RIPK2: variants seen among roughly 807,000 people sequenced by gnomAD.
The protein encoded by RIPK2 is receptor interacting serine/threonine kinase 2.
In RIPK2, 38 loss-of-function variants were observed where a neutral mutation model predicts 60.9. That is an observed-to-expected ratio of 0.62 (90% CI 0.48 to 0.82). The LOEUF (loss-of-function observed/expected upper bound fraction) is 0.82. Among genes scored for constraint, RIPK2 ranks in the 40% least tolerant of loss-of-function variants. The pLI, the probability that RIPK2 is intolerant of heterozygous loss-of-function variation, is 0.00. For synonymous variants in RIPK2, 225 were observed against 223.4 expected (o/e 1.01, Z -0.06); for missense variants, 518 against 647.0 (o/e 0.80, Z 2.16).
chr8:89,762,936 T>G lies in RIPK2; in HGVS notation c.281T>G (p.Val94Gly), dbSNP rs1471645581. 1 of 1,544,372 alleles carries G rather than the reference T, an allele frequency of 6.5e-7. No individual in the cohort carries two copies. The highest frequency in any genetic ancestry group is 8.8e-7 in the Non-Finnish European group (1 of 1,138,928). The change falls in exon 2 of 11, where the codon GTT becomes GGT. Residue 94 changes from valine to glycine, a missense_variant. By Grantham distance (109) the Val-to-Gly change is moderately radical (BLOSUM62 -3). Coordinates refer to ENST00000220751, the MANE Select transcript of RIPK2 (RefSeq NM_003821.6). ...AATGAGCCTGAATTTTTGGGAATAG[T>G]TACTGAATACATGCCAAATGGATCA... ...ICNEPEFLGIVTEYMPNGSLN... is the reference protein window; with the variant it reads ...ICNEPEFLGIGTEYMPNGSLN...
At chr8:89,788,128 G>A (rs1809616636) in intron 9 of RIPK2, among the ~76,000 whole-genome samples, 1 of 152,054 alleles carries the variant, frequency 6.6e-6, no homozygotes, top group African/African-American at 2.4e-5. Flanking sequence ...AATCACTTGA[G>A]GCCAGGAGTT....
chr8:89,790,060 A>G lies in RIPK2; in HGVS notation c.1286-19A>G. The G allele has an allele frequency of 6.4e-7, 1 of 1,570,610 alleles. No homozygotes were observed. The highest frequency in any genetic ancestry group is 8.7e-7 in the Non-Finnish European group (1 of 1,152,244). ...TCTGTCCTCACCTTTTAAATTATTC[A>G]TTCCTTGTTCTTTTTCAGAACGTCT... On this transcript the variant is annotated intron_variant, in intron 10 of 10. Coordinates refer to ENST00000220751, the MANE Select transcript of RIPK2 (RefSeq NM_003821.6).
chr8:89,758,224 T>C lies in RIPK2; in HGVS notation c.164T>C (p.Leu55Pro). The C allele has an allele frequency of 6.2e-7, 1 of 1,606,076 alleles. No individual in the cohort carries two copies. The highest frequency in any genetic ancestry group is 8.5e-7 in the Non-Finnish European group (1 of 1,177,198). ...AAGCACCTGCACATCCACACTCCGCTGCTCGACAGGTAGGCAGTCACTGGG... is the reference window on the plus strand; with the variant it reads ...AAGCACCTGCACATCCACACTCCGCCGCTCGACAGGTAGGCAGTCACTGGG... ...AVKHLHIHTP[L>P]LDSERKDVLR... The change falls in exon 1 of 11, where the codon CTG becomes CCG. Residue 55 changes from leucine (L) to proline (P), a missense_variant. Coordinates refer to ENST00000220751, the MANE Select transcript of RIPK2 (RefSeq NM_003821.6).
Position 89,769,874 on chromosome 8 carries a change from G to A in RIPK2, c.586G>A (p.Glu196Lys). 2.5e-6 allele frequency: 4 copies of A among 1,608,724 alleles called. No individual in the cohort carries two copies. The highest frequency in any genetic ancestry group is 3.4e-6 in the Non-Finnish European group (4 of 1,177,096). The change falls in exon 4 of 11, where the codon GAA becomes AAA. Residue 196 changes from glutamate to lysine, a missense_variant. This residue lies in a region of RIPK2 where 448 missense variants were observed against 534.7 expected (regional missense o/e 0.84). Coordinates refer to ENST00000220751, the MANE Select transcript of RIPK2 (RefSeq NM_003821.6). ...EGGTIIYMPPENYEPGQKSRA... is the reference protein window; with the variant it reads ...EGGTIIYMPPKNYEPGQKSRA... Reference sequence around the variant, plus strand: ...AGGGACAATTATCTATATGCCACCTGAAAACTATGAACCTGGACAAAAATC... The same window carrying A: ...AGGGACAATTATCTATATGCCACCTAAAAACTATGAACCTGGACAAAAATC...
Position 89,789,372 on chromosome 8 carries a change from A to T in RIPK2, c.1175A>T (p.His392Leu). The T allele has an allele frequency of 6.2e-7, 1 of 1,614,124 alleles. No homozygotes were observed. The highest frequency in any genetic ancestry group is 8.5e-7 in the Non-Finnish European group (1 of 1,179,968). The part of the protein sequence containing the change: ...FMKLHHCPGN[H>L]SWDSTISGSQ... ...AAGCTGCATCACTGTCCTGGAAATC[A>T]CAGTTGGGATAGCACCATTTCTGGA... Residue 392 changes from histidine to leucine, a missense_variant, in exon 10 of 11, where the codon CAC becomes CTC. Coordinates refer to ENST00000220751, the MANE Select transcript of RIPK2 (RefSeq NM_003821.6).
chr8:89,758,380 G>GTGCTCCCTATCCCCC, intron 1 of RIPK2, 147 bp downstream of exon 1: 1 of 798,050 alleles, frequency 1.3e-6, no homozygotes, highest in Non-Finnish European at 1.9e-6. Flanking sequence ...TCAAGCTTGG[G>GTGCTCCCTATCCCCC]AGATAGGGAG....
At chr8:89,787,134 A>G (rs578201803) in intron 9 of RIPK2, among the ~76,000 whole-genome samples, 1 of 152,296 alleles carries the variant, frequency 6.6e-6, no homozygotes, top group East Asian at 1.9e-4. Flanking sequence ...ACCACACTCC[A>G]TCCTGGGCGA....
chr8:89,760,318 C>G (rs559015350), intron 1 of RIPK2, among the ~76,000 whole-genome samples: 2 of 152,206 alleles, frequency 1.3e-5, no homozygotes, highest in African/African-American at 4.8e-5. Context: ...ATGAGTGGAC[C>G]TTCCCCAACA....
intron 2 of RIPK2, 129 bp downstream of exon 2, chr8:89,763,111 T>A: frequency 1.8e-6 from 1 of 559,886 alleles, no homozygotes; most frequent in East Asian, 3.5e-5. Context: ...TGAAAAACTA[T>A]CACAGGGATA....
chr8:89,789,258 A>C, intron 9 of RIPK2, 63 bp from the exon 10 acceptor site: 1 of 1,410,788 alleles, frequency 7.1e-7, no homozygotes. Flanking sequence ...AGATGTTGAC[A>C]TGTTAGCCAA....
At position 89,790,598 on chromosome 8, in the gene RIPK2, T is replaced by A; in HGVS notation, c.*182T>A. On this transcript the variant is annotated 3_prime_UTR_variant, in exon 11 of 11. Coordinates refer to ENST00000220751, the MANE Select transcript of RIPK2 (RefSeq NM_003821.6). Reference sequence around the variant, plus strand: ...AATTAATACAAGTAAAAAGTTTGAATTTTGCTACATAGTTCAATTTTTATG... The same window carrying A: ...AATTAATACAAGTAAAAAGTTTGAAATTTGCTACATAGTTCAATTTTTATG... 1 of 484,150 alleles carries A rather than the reference T, an allele frequency of 2.1e-6. No homozygotes were observed. 30.0% of individuals were successfully genotyped at this position (484,150 alleles called of 1,614,324 possible).
At chr8:89,776,986 G>A (rs1809407180) in intron 6 of RIPK2, among the ~76,000 whole-genome samples, 2 of 152,222 alleles carry the variant, frequency 1.3e-5, no homozygotes, top group Non-Finnish European at 2.9e-5. Flanking sequence ...TGCCTTGAGA[G>A]TTTCTAGATG....
chr8:89,758,337 G>A, intron 1 of RIPK2, 104 bp downstream of exon 1: 1 of 1,237,658 alleles, frequency 8.1e-7, no homozygotes. Context: ...ACCGCTTGGG[G>A]CCGGCCTCAC....
At chr8:89,776,398 C>A (rs996884767) in intron 6 of RIPK2, among the ~76,000 whole-genome samples, 1 of 152,140 alleles carries the variant, frequency 6.6e-6, no homozygotes, top group Non-Finnish European at 1.5e-5. Flanking sequence ...CTTCAAAGAG[C>A]TTTTGTATGT....
rs188077991 is a variant in RIPK2, at chr8:89,774,144, C to G, written c.853+1316C>G. Among the ~76,000 whole-genome samples, 407 of 151,788 alleles carry G rather than the reference C, an allele frequency of 2.7e-3. 2 individuals are homozygous for G. The highest frequency in any genetic ancestry group is 4.6e-3 in the Admixed American group (70 of 15,232). ...GCCACAGACTGGGAGAAAATATTTG[C>G]ATAACATGTATCTGCTAAAGGGCTT... On this transcript the variant is annotated intron_variant, in intron 6 of 10. Transcript: ENST00000220751.
At chr8:89,773,328 CCAGT>C (rs1337088431) in intron 6 of RIPK2, among the ~76,000 whole-genome samples, 5 of 152,064 alleles carry the variant, frequency 3.3e-5, no homozygotes, top group Non-Finnish European at 7.4e-5. Context: ...TGAAAAAGAG[CCAGT>C]CATTCAAATG....
At chr8:89,773,162 C>G (rs1347808253) in intron 6 of RIPK2, among the ~76,000 whole-genome samples, 1 of 152,108 alleles carries the variant, frequency 6.6e-6, no homozygotes, top group Non-Finnish European at 1.5e-5. Context: ...AGCTAGTTCA[C>G]ATTCTAGTTG....
At position 89,790,034 on chromosome 8, in the gene RIPK2, A is replaced by G. The variant is rs748523366; in HGVS notation, c.1286-45A>G. 32 of 1,369,426 alleles carry G rather than the reference A, an allele frequency of 2.3e-5. 1 individual carries two copies. In the South Asian group the frequency reaches 3.6e-4, roughly 16 times the overall value. 84.8% of individuals were successfully genotyped at this position (1,369,426 alleles called of 1,614,324 possible). ...CATGGAATTTTACTTATTGCTATGT[A>G]TCTGTCCTCACCTTTTAAATTATTC... On this transcript the variant is annotated intron_variant, in intron 10 of 10. Transcript: ENST00000220751.
chr8:89,761,083 T>G (rs1481086197), intron 1 of RIPK2, among the ~76,000 whole-genome samples: 2 of 152,224 alleles, frequency 1.3e-5, no homozygotes, highest in African/African-American at 2.4e-5. Context: ...CTTGTTACTC[T>G]TGAATTTTAA....
Sources: gnomAD v4.1 joint callset for allele counts (sites outside exome capture counted in the v4.1 genomes callset) on GRCh38, gnomAD v4.1.1 for gene constraint, gnomAD v4.1.1 regional missense constraint, MANE v1.5 for transcripts, NCBI Gene and HGNC (gene_info 2026-07-23, HGNC 2026-07-21) for gene names.